RIMS2: variants seen among roughly 807,000 people sequenced by gnomAD.
RIMS2 encodes regulating synaptic membrane exocytosis 2.
In RIMS2, 59 loss-of-function variants were observed where a neutral mutation model predicts 174.4. The ratio of observed to expected loss-of-function variants is 0.34; its 90% CI spans 0.27 to 0.42. RIMS2 has a LOEUF of 0.42. Ranked by LOEUF, RIMS2 falls within the 10% of genes least tolerant of loss-of-function variation. RIMS2 has a pLI of 1.00. For missense variants in RIMS2, 1,620 were observed against 1,666.3 expected, an observed-to-expected ratio of 0.97 and a Z score of 0.48; for synonymous variants, 606 against 572.5, an observed-to-expected ratio of 1.06 and a Z score of -0.84.
At chr8:103,890,077 A>G (rs1056690079) in intron 4 of RIMS2, among the ~76,000 whole-genome samples, 3 of 151,994 alleles carry the variant, frequency 2.0e-5, no homozygotes, top group African/African-American at 7.2e-5. Context: ...TATACACAAT[A>G]CTCATCATAC....
intron 4 of RIMS2, among the ~76,000 whole-genome samples, chr8:103,895,329 T>C (rs2099271562): frequency 6.6e-6 from 1 of 151,622 alleles, no homozygotes; most frequent in Admixed American, 6.6e-5. Context: ...CAGATGTTTA[T>C]TTTTTACGGT....
intron 19 of RIMS2, among the ~76,000 whole-genome samples, chr8:104,241,397 A>T (rs151333667): frequency 6.6e-6 from 1 of 152,300 alleles, no homozygotes; most frequent in African/African-American, 2.4e-5. Flanking sequence ...CCTGTAAACA[A>T]AAAAATTACA....
intron 14 of RIMS2, among the ~76,000 whole-genome samples, chr8:103,954,775 AG>A (rs1050917282): frequency 1.1e-4 from 16 of 152,308 alleles, no homozygotes; most frequent in African/African-American, 3.1e-4. Flanking sequence ...AAGGAGACAG[AG>A]ACACGAAAAA....
At chr8:104,097,497 A>G (rs952479940) in intron 19 of RIMS2, among the ~76,000 whole-genome samples, 1 of 152,152 alleles carries the variant, frequency 6.6e-6, no homozygotes, top group African/African-American at 2.4e-5. Flanking sequence ...ACACATAAGT[A>G]CTTAACAGTA....
chr8:103,787,279 T>G (rs1368721962), intron 3 of RIMS2, among the ~76,000 whole-genome samples: 2 of 151,946 alleles, frequency 1.3e-5, no homozygotes, highest in African/African-American at 4.8e-5. Flanking sequence ...ACATTTAAAG[T>G]TAATATTGTT....
intron 1 of RIMS2, 65 bp from the exon 4 acceptor site, chr8:103,697,021 G>C (rs902997885): frequency 6.6e-6 from 6 of 915,414 alleles, no homozygotes; most frequent in Admixed American, 5.9e-5. Context: ...TCTATAAATT[G>C]TGATAATTTT....
At chr8:104,211,019 T>C (rs2099102883) in intron 19 of RIMS2, among the ~76,000 whole-genome samples, 1 of 152,192 alleles carries the variant, frequency 6.6e-6, no homozygotes, top group Non-Finnish European at 1.5e-5. Flanking sequence ...CTACTTCAGC[T>C]GAGGACCTAG....
At chr8:104,085,619 A>C (rs2097524361) in intron 19 of RIMS2, among the ~76,000 whole-genome samples, 1 of 152,226 alleles carries the variant, frequency 6.6e-6, no homozygotes, top group African/African-American at 2.4e-5. Flanking sequence ...CTGGTTACCA[A>C]AAGGAAAGAC....
At chr8:104,209,010 G>T (rs947133672) in intron 19 of RIMS2, among the ~76,000 whole-genome samples, 4 of 152,188 alleles carry the variant, frequency 2.6e-5, no homozygotes, top group African/African-American at 9.7e-5. Flanking sequence ...GAGGCAAAAT[G>T]GGGTAATTAG....
chr8:104,100,927 G>GTGATATATTATATATTATATAGTATATA (rs2097866789), intron 19 of RIMS2, among the ~76,000 whole-genome samples: 1 of 113,272 alleles, frequency 8.8e-6, no homozygotes, highest in Non-Finnish European at 1.7e-5. Context: ...TATTATATAT[G>GTGATATATTATATATTATATAGTATATA]TGATATATTA....
At chr8:104,042,039 A>C (rs2096617686) in intron 19 of RIMS2, among the ~76,000 whole-genome samples, 1 of 151,496 alleles carries the variant, frequency 6.6e-6, no homozygotes, top group African/African-American at 2.4e-5. Context: ...ATAGCTCCCT[A>C]TCCTTGCAGG....
intron 1 of RIMS2, among the ~76,000 whole-genome samples, chr8:103,636,245 G>T (rs994806129): frequency 6.6e-6 from 1 of 152,176 alleles, no homozygotes; most frequent in Non-Finnish European, 1.5e-5. Context: ...GGCTGTTGCT[G>T]CTCAGTGCCC....
intron 19 of RIMS2, among the ~76,000 whole-genome samples, chr8:104,112,979 A>G (rs2098216706): frequency 1.3e-5 from 2 of 152,180 alleles, no homozygotes; most frequent in Non-Finnish European, 2.9e-5. Flanking sequence ...TAATCCTTTA[A>G]CTGTTATGAA....
intron 4 of RIMS2, among the ~76,000 whole-genome samples, chr8:103,908,524 A>T (rs1425712859): frequency 6.6e-6 from 1 of 152,162 alleles, no homozygotes; most frequent in African/African-American, 2.4e-5. Context: ...AAATAGAGTA[A>T]TTCCCTGTTA....
At chr8:104,251,130 T>C in exon 23 of RIMS2, 1 of 1,613,132 alleles carries the variant, frequency 6.2e-7, no homozygotes, top group Non-Finnish European at 8.5e-7. Context: ...AGCTATTATC[T>C]TTCGAAGAGA....
At chr8:103,701,392 C>T (rs757654148) in intron 2 of RIMS2, among the ~76,000 whole-genome samples, 2 of 151,982 alleles carry the variant, frequency 1.3e-5, no homozygotes, top group African/African-American at 2.4e-5. Flanking sequence ...TTGGGATATC[C>T]GTCACAGTAA....
chr8:104,251,037 A>G (rs1427859806), exon 23 of RIMS2: 1 of 1,613,344 alleles, frequency 6.2e-7, no homozygotes, highest in South Asian at 1.1e-5. Context: ...CGTATGTAAA[A>G]GTGTATCTAT....
At chr8:103,591,718 ATTT>A (rs1388314271) in intron 1 of RIMS2, among the ~76,000 whole-genome samples, 1 of 151,026 alleles carries the variant, frequency 6.6e-6, no homozygotes, top group African/African-American at 2.4e-5. Context: ...AAATCAAGTT[ATTT>A]CATTTTTGGC....
rs567694666 is a variant in RIMS2, at chr8:104,241,590, C to G, written c.3335-3326C>G. 3.9e-5 allele frequency among the ~76,000 whole-genome samples: 6 copies of G among 152,192 alleles called. No homozygotes were observed. In the East Asian group the frequency reaches 1.2e-3, roughly 29 times the overall value. On this transcript the variant is annotated intron_variant, in intron 19 of 23. Transcript: ENST00000504942. ...CATTTCCTTTCTAAGTCGTATGTTT[C>G]TTGTACGTATCCTCATTCCACATGC...
Sources: gnomAD v4.1 joint callset for allele counts (sites outside exome capture counted in the v4.1 genomes callset) on GRCh38, gnomAD v4.1.1 for gene constraint, MANE v1.5 for transcripts, NCBI Gene and HGNC (gene_info 2026-07-23, HGNC 2026-07-21) for gene names.